The following SIPA1L2 variants were observed in gnomAD, a reference collection of about 807,000 sequenced individuals.
SIPA1L2 encodes signal induced proliferation associated 1 like 2, also known as signal-induced proliferation-associated 1-like protein 2.
In SIPA1L2, 56 loss-of-function variants were observed where a neutral mutation model predicts 163.9. That is an observed-to-expected ratio of 0.34 (90% CI 0.28 to 0.43). SIPA1L2 has a LOEUF of 0.43. Among genes scored for constraint, SIPA1L2 ranks in the 20% least tolerant of loss-of-function variants. The pLI, the probability that SIPA1L2 is intolerant of heterozygous loss-of-function variation, is 1.00. For synonymous variants in SIPA1L2, 877 were observed against 865.7 expected, an observed-to-expected ratio of 1.01 and a Z score of -0.23; for missense variants, 1,974 against 2,193.5, an observed-to-expected ratio of 0.90 and a Z score of 2.00.
At chr1:232,419,277 C>A (rs761832242) in intron 18 of SIPA1L2, among the ~76,000 whole-genome samples, 2 of 152,192 alleles carry the variant, frequency 1.3e-5, no homozygotes, top group Non-Finnish European at 2.9e-5. Flanking sequence ...CAAAGAGCCA[C>A]CTATAGATCT....
Position 232,445,669 on chromosome 1 carries a change from A to C in SIPA1L2, c.3213T>G (p.Thr1071=). ...CTCTAGAGAGGGGCTGCAGGGCAGGAGTGGGCACCCGGTGCCACGTGGTGT... is the reference window on the plus strand; with the variant it reads ...CTCTAGAGAGGGGCTGCAGGGCAGGCGTGGGCACCCGGTGCCACGTGGTGT... ...RRNTTWHRVP[T]PALQPLSRAS... Residue 1071 remains threonine (T), a synonymous_variant, in exon 11 of 23, where the codon ACT becomes ACG. Transcript: ENST00000674635. The C allele has an allele frequency of 6.2e-7, 1 of 1,613,552 alleles. No individual in the cohort carries two copies. The highest frequency in any genetic ancestry group is 8.5e-7 in the Non-Finnish European group (1 of 1,179,736).
chr1:232,404,337 A>G (rs899320312), intron 19 of SIPA1L2, among the ~76,000 whole-genome samples, 159 bp from the exon 20 acceptor site: 20 of 152,140 alleles, frequency 1.3e-4, no homozygotes, highest in Non-Finnish European at 2.8e-4. Flanking sequence ...ATGCAATGAG[A>G]TGACACATTT....
Position 232,532,430 on chromosome 1 carries a change from T to C in SIPA1L2, c.-269-16822A>G, listed in dbSNP as rs114346630. ...GGCCTGAGACACAGCAAGAACTTGA[T>C]AAATACTAACAGTATTTTTGCTGTT... On this transcript the variant is annotated intron_variant, in intron 2 of 22. Transcript: ENST00000674635. Among the ~76,000 whole-genome samples, 1,111 of 152,352 alleles carry C rather than the reference T, an allele frequency of 7.3e-3. 17 individuals carry two copies. The highest frequency in any genetic ancestry group is 0.026 in the African/African-American group (1,078 of 41,574).
intron 3 of SIPA1L2, among the ~76,000 whole-genome samples, chr1:232,497,294 A>G (rs2103008875): frequency 6.6e-6 from 1 of 152,316 alleles, no homozygotes; most frequent in Admixed American, 6.5e-5. Context: ...ACATTTTAGA[A>G]AAGTCAATTT....
chr1:232,577,217 C>T (rs1660125316), intron 1 of SIPA1L2, among the ~76,000 whole-genome samples: 1 of 152,192 alleles, frequency 6.6e-6, no homozygotes, highest in East Asian at 1.9e-4. Context: ...CGTGCTCTAT[C>T]ATTGGAACAA....
At chr1:232,405,988 A>C (rs1660613091) in intron 19 of SIPA1L2, among the ~76,000 whole-genome samples, 1 of 152,228 alleles carries the variant, frequency 6.6e-6, no homozygotes, top group Non-Finnish European at 1.5e-5. Flanking sequence ...AAGAAGCCAA[A>C]ACTAGAGTTT....
intron 2 of SIPA1L2, among the ~76,000 whole-genome samples, chr1:232,519,272 G>A (rs1167506328): frequency 6.6e-6 from 1 of 152,130 alleles, no homozygotes; most frequent in Non-Finnish European, 1.5e-5. Flanking sequence ...GTAGACCCAA[G>A]GCCCATTCCC....
At chr1:232,527,725 C>CTTTTTTTTTTTTTTTT (rs57868657) in intron 2 of SIPA1L2, among the ~76,000 whole-genome samples, 6 of 80,948 alleles carry the variant, frequency 7.4e-5, no homozygotes, top group African/African-American at 2.6e-4. Context: ...TCTTCTTCTT[C>CTTTTTTTTTTTTTTTT]TTTTTTTTTT....
At chr1:232,450,409 T>A (rs574378470) in intron 10 of SIPA1L2, among the ~76,000 whole-genome samples, 49 of 152,328 alleles carry the variant, frequency 3.2e-4, no homozygotes, top group African/African-American at 1.2e-3. Context: ...TAATCAGAAA[T>A]CAAGGGTCAG....
At chr1:232,546,013 A>G (rs1229000950) in intron 2 of SIPA1L2, among the ~76,000 whole-genome samples, 3 of 152,238 alleles carry the variant, frequency 2.0e-5, no homozygotes, top group Non-Finnish European at 4.4e-5. Flanking sequence ...ACAATCAGCA[A>G]CCATGTTGTC....
intron 1 of SIPA1L2, among the ~76,000 whole-genome samples, chr1:232,584,306 C>A (rs1305778866): frequency 6.6e-6 from 1 of 152,124 alleles, no homozygotes; most frequent in Admixed American, 6.5e-5. Context: ...CTCACTGCAA[C>A]CTCCGCCTCC....
chr1:232,534,982 C>A (rs1374428580), intron 2 of SIPA1L2, among the ~76,000 whole-genome samples: 2 of 152,204 alleles, frequency 1.3e-5, no homozygotes, highest in Non-Finnish European at 2.9e-5. Context: ...TTTATACTCA[C>A]AATCTAAAAT....
At chr1:232,594,207 A>T (rs1353714800) in intron 1 of SIPA1L2, among the ~76,000 whole-genome samples, 1 of 152,188 alleles carries the variant, frequency 6.6e-6, no homozygotes, top group African/African-American at 2.4e-5. Context: ...ATTCCATGGA[A>T]CTGATAACAT....
At chr1:232,528,279 T>A (rs1306950387) in intron 2 of SIPA1L2, among the ~76,000 whole-genome samples, 2 of 151,960 alleles carry the variant, frequency 1.3e-5, no homozygotes, top group Admixed American at 6.5e-5. Context: ...CTTCTCTCCA[T>A]TAAACAGACA....
chr1:232,502,231 C>T (rs1666518249), intron 3 of SIPA1L2, among the ~76,000 whole-genome samples: 1 of 152,084 alleles, frequency 6.6e-6, no homozygotes, highest in Admixed American at 6.5e-5. Flanking sequence ...CATCATTGAC[C>T]TGGGAGGGGT....
At chr1:232,557,347 G>A (rs1337750801) in intron 2 of SIPA1L2, among the ~76,000 whole-genome samples, 1 of 152,088 alleles carries the variant, frequency 6.6e-6, no homozygotes, top group Admixed American at 6.5e-5. Context: ...GAGTTCAGGC[G>A]CTTTTCAATA....
chr1:232,621,035 G>A (rs1662782245), intron 1 of SIPA1L2, among the ~76,000 whole-genome samples: 1 of 152,114 alleles, frequency 6.6e-6, no homozygotes, highest in Non-Finnish European at 1.5e-5. Context: ...AAATATAAAT[G>A]CAAAACAAAA....
chr1:232,630,179 GC>G (rs945291362), upstream of SIPA1L2, among the ~76,000 whole-genome samples: 1 of 151,406 alleles, frequency 6.6e-6, no homozygotes, highest in Non-Finnish European at 1.5e-5. Flanking sequence ...CAGCGGCACC[GC>G]CCCCCGCCCG....
chr1:232,567,226 A>G (rs912061134), intron 2 of SIPA1L2, among the ~76,000 whole-genome samples: 1 of 152,222 alleles, frequency 6.6e-6, no homozygotes, highest in African/African-American at 2.4e-5. Flanking sequence ...TAAATGAAAA[A>G]GGTAAAATAC....
Sources: allele counts gnomAD v4.1 joint callset (sites outside exome capture counted in the v4.1 genomes callset), GRCh38; gene constraint gnomAD v4.1.1; transcripts MANE v1.5; gene names NCBI Gene and HGNC (gene_info 2026-07-23, HGNC 2026-07-21).